Variants in MOB3B observed in about 807,000 individuals in gnomAD.
MOB3B encodes the protein MOB kinase activator 3B.
In MOB3B, 7 loss-of-function variants were observed where a neutral mutation model predicts 18.7. That is an observed-to-expected ratio of 0.37 (90% CI 0.21 to 0.70). The LOEUF (loss-of-function observed/expected upper bound fraction) is 0.70. Among genes scored for constraint, MOB3B ranks in the 30% least tolerant of loss-of-function variants. The pLI is 0.52. For missense variants in MOB3B, 253 were observed against 281.3 expected (o/e 0.90, Z 0.72); for synonymous variants, 111 against 99.9 (o/e 1.11, Z -0.66).
chr9:27,489,904 T>G (rs773161870), intron 1 of MOB3B, among the ~76,000 whole-genome samples: 10 of 152,054 alleles, frequency 6.6e-5, no homozygotes, highest in Non-Finnish European at 1.3e-4. Flanking sequence ...TAAACTTGAC[T>G]TTATATTGTT....
intron 2 of MOB3B, among the ~76,000 whole-genome samples, chr9:27,399,973 G>C (rs1821853975): frequency 6.6e-6 from 1 of 151,976 alleles, no homozygotes; most frequent in Non-Finnish European, 1.5e-5. Context: ...GTAATCTCAA[G>C]CCCAACTGCT....
chr9:27,398,359 T>A (rs1309120924), intron 2 of MOB3B, among the ~76,000 whole-genome samples: 3 of 152,248 alleles, frequency 2.0e-5, no homozygotes, highest in African/African-American at 7.2e-5. Context: ...ACTATCTCCT[T>A]GATAATTTAG....
chr9:27,487,453 A>G (rs1410267214), intron 1 of MOB3B, among the ~76,000 whole-genome samples: 1 of 152,098 alleles, frequency 6.6e-6, no homozygotes, highest in Non-Finnish European at 1.5e-5. Context: ...TCTAAAGCTC[A>G]GTGTTGCTCA....
chr9:27,415,012 C>G (rs772526056), intron 2 of MOB3B, among the ~76,000 whole-genome samples: 1 of 152,098 alleles, frequency 6.6e-6, no homozygotes, highest in African/African-American at 2.4e-5. Flanking sequence ...CAGGTGTGCA[C>G]CACCATGCCT....
intron 2 of MOB3B, among the ~76,000 whole-genome samples, chr9:27,409,941 AGTCATTATTTAAT>A (rs539923626): frequency 1.5e-4 from 23 of 152,258 alleles, no homozygotes; most frequent in Middle Eastern, 6.8e-3. Flanking sequence ...GGGGATGAAG[AGTCATTATTTAAT>A]GTATGCAGAG....
rs377523030 is a variant in MOB3B, at chr9:27,419,766, C to T, written c.418+35367G>A. On this transcript the variant is annotated intron_variant, in intron 2 of 3. Coordinates refer to ENST00000262244, the MANE Select transcript of MOB3B (RefSeq NM_024761.5). ...TTAGGCAAGATTTCATGACCAAGAA[C>T]CCAAAAGCAAATGCAATAAAAACAA... Among the ~76,000 whole-genome samples, 15 of 152,206 alleles carry T rather than the reference C, an allele frequency of 9.9e-5. No homozygotes were observed. In the East Asian group the frequency reaches 2.5e-3, roughly 25 times the overall value.
At chr9:27,341,880 T>C (rs75018141) in intron 3 of MOB3B, among the ~76,000 whole-genome samples, 4,610 of 152,276 alleles carry the variant, frequency 0.03, 98 homozygotes, top group Middle Eastern at 0.054. Context: ...TTTTTCTATA[T>C]CAGGGACCAG....
chr9:27,409,466 C>T (rs1822032961), intron 2 of MOB3B, among the ~76,000 whole-genome samples: 2 of 152,196 alleles, frequency 1.3e-5, no homozygotes, highest in South Asian at 4.1e-4. Flanking sequence ...AGTCACAACC[C>T]TCATATACTG....
At chr9:27,377,662 C>T (rs889533960) in intron 2 of MOB3B, among the ~76,000 whole-genome samples, 1 of 152,206 alleles carries the variant, frequency 6.6e-6, no homozygotes, top group Non-Finnish European at 1.5e-5. Context: ...TCTGACCACA[C>T]TTTTTATGCT....
Position 27,374,041 on chromosome 9 carries a change from G to C in MOB3B, c.419-14805C>G, listed in dbSNP as rs534642532. On this transcript the variant is annotated intron_variant, in intron 2 of 3. Coordinates refer to ENST00000262244, the MANE Select transcript of MOB3B (RefSeq NM_024761.5). The stretch of plus-strand genomic sequence containing the variant: ...ATAAGGCAAATGCCCAGCTGTAACC[G>C]ATCCAGCTGTTTCTATACGTCACTT... Among the ~76,000 whole-genome samples the C allele has an allele frequency of 4.6e-5, 7 of 152,342 alleles. No homozygotes were observed. The South Asian group carries it at 1.5e-3, about 32-fold the overall frequency.
intron 1 of MOB3B, among the ~76,000 whole-genome samples, chr9:27,498,826 A>G (rs893774673): frequency 3.3e-5 from 5 of 152,312 alleles, no homozygotes; most frequent in Admixed American, 3.3e-4. Context: ...GTAATTGGAA[A>G]TCTATTTTTT....
At position 27,524,710 on chromosome 9, in the gene MOB3B, T is replaced by C. The variant is rs574827923; in HGVS notation, c.-199+4845A>G. 4.4e-5 allele frequency: 71 copies of C among 1,613,990 alleles called. 2 individuals carry two copies. The South Asian group carries it at 7.1e-4, about 16-fold the overall frequency. On this transcript the variant is annotated intron_variant, in intron 1 of 3. Coordinates refer to ENST00000262244, the MANE Select transcript of MOB3B (RefSeq NM_024761.5). ...GGACTTGATCAGCAAGCAGAGTACC[T>C]GAACCAATGCTTGGAGGAAGACAAG...
rs985199599 is a variant in MOB3B, at chr9:27,327,029, C to T, written c.*3558G>A. 6.5e-6 allele frequency: 1 copy of T among 153,296 alleles called. No homozygotes were observed. The highest frequency in any genetic ancestry group is 1.5e-5 in the Non-Finnish European group (1 of 68,848). 9.5% of individuals were successfully genotyped at this position (153,296 alleles called of 1,614,324 possible). A position where few individuals can be genotyped will look rare whatever the true frequency, so the allele number is the denominator to read the frequency against. ...GAAAAAATAAAAGCGTTGAATATTTCACCTCTGGCTACAGGGAGCATACAA... is the reference window on the plus strand; with the variant it reads ...GAAAAAATAAAAGCGTTGAATATTTTACCTCTGGCTACAGGGAGCATACAA... On this transcript the variant is annotated 3_prime_UTR_variant, in exon 4 of 4. Transcript: ENST00000262244.
At chr9:27,503,577 C>T (rs1321361060) in intron 1 of MOB3B, among the ~76,000 whole-genome samples, 1 of 152,210 alleles carries the variant, frequency 6.6e-6, no homozygotes, top group African/African-American at 2.4e-5. Flanking sequence ...GCATACTCTG[C>T]CCCAGATTCT....
intron 2 of MOB3B, among the ~76,000 whole-genome samples, chr9:27,406,781 A>G (rs542580356): frequency 6.6e-6 from 1 of 152,300 alleles, no homozygotes; most frequent in African/African-American, 2.4e-5. Flanking sequence ...AAGCTATAAA[A>G]CTACTTGAAG....
intron 2 of MOB3B, among the ~76,000 whole-genome samples, chr9:27,364,172 G>T (rs1821312620): frequency 6.6e-6 from 1 of 152,184 alleles, no homozygotes; most frequent in Non-Finnish European, 1.5e-5. Flanking sequence ...ACGGACACTT[G>T]GCTAGCTACA....
chr9:27,428,909 T>C (rs1822378048), intron 2 of MOB3B, among the ~76,000 whole-genome samples: 1 of 152,236 alleles, frequency 6.6e-6, no homozygotes, highest in African/African-American at 2.4e-5. Context: ...AAAGCCTGAA[T>C]AATGTCTAAG....
At chr9:27,424,620 G>C (rs1358001515) in intron 2 of MOB3B, among the ~76,000 whole-genome samples, 1 of 152,172 alleles carries the variant, frequency 6.6e-6, no homozygotes, top group African/African-American at 2.4e-5. Context: ...TGACTACTCA[G>C]TCAACATGAC....
chr9:27,505,451 G>A (rs1373763666), intron 1 of MOB3B, among the ~76,000 whole-genome samples: 1 of 152,074 alleles, frequency 6.6e-6, no homozygotes, highest in Non-Finnish European at 1.5e-5. Context: ...TCTCCTTCTT[G>A]GACACTCACA....
Sources: allele counts gnomAD v4.1 joint callset (sites outside exome capture counted in the v4.1 genomes callset), GRCh38; gene constraint gnomAD v4.1.1; transcripts MANE v1.5; gene names NCBI Gene and HGNC (gene_info 2026-07-23, HGNC 2026-07-21).